Variants in CPNE4 observed in about 807,000 individuals in gnomAD.
CPNE4 encodes the protein copine 4.
In CPNE4, 25 loss-of-function variants were observed where a neutral mutation model predicts 67.9. The ratio of observed to expected loss-of-function variants is 0.37; its 90% CI spans 0.27 to 0.51. The LOEUF (loss-of-function observed/expected upper bound fraction) is 0.51. Among genes scored for constraint, CPNE4 ranks in the 20% least tolerant of loss-of-function variants. The pLI is 0.93. For synonymous variants in CPNE4, 242 were observed against 244.9 expected (o/e 0.99, Z 0.11); for missense variants, 464 against 690.8 (o/e 0.67, Z 3.68).
chr3:131,839,857 A>T (rs552104695), intron 2 of CPNE4, among the ~76,000 whole-genome samples: 2 of 152,248 alleles, frequency 1.3e-5, no homozygotes, highest in East Asian at 3.9e-4. Context: ...CAATTCTATC[A>T]CCTGTTAAAG....
At chr3:131,975,141 T>C (rs905363673) in intron 1 of CPNE4, among the ~76,000 whole-genome samples, 5 of 151,884 alleles carry the variant, frequency 3.3e-5, no homozygotes, top group African/African-American at 1.2e-4. Context: ...CTCAGGGGAG[T>C]TGGCAAAACC....
At chr3:131,723,396 A>C in intron 3 of CPNE4, 50 bp downstream of exon 3, 2 of 1,520,142 alleles carry the variant, frequency 1.3e-6, no homozygotes, top group Non-Finnish European at 1.8e-6. Context: ...GGGGGCAGGA[A>C]GAAAGGCCCT....
intron 3 of CPNE4, among the ~76,000 whole-genome samples, chr3:131,717,886 CTTTCTT>C (rs757337538): frequency 9.3e-4 from 80 of 86,422 alleles, no homozygotes; most frequent in African/African-American, 3.1e-3. Flanking sequence ...TTCTTTCTTT[CTTTCTT>C]TCTTTCTTTC....
chr3:132,001,208 T>C (rs2073421862), intron 1 of CPNE4, among the ~76,000 whole-genome samples: 1 of 152,062 alleles, frequency 6.6e-6, no homozygotes, highest in African/African-American at 2.4e-5. Flanking sequence ...TGATTTCCTT[T>C]GCTGGCTAGA....
chr3:132,008,201 G>GA (rs1174051686), intron 1 of CPNE4, among the ~76,000 whole-genome samples: 2 of 151,846 alleles, frequency 1.3e-5, no homozygotes, highest in South Asian at 4.2e-4. Flanking sequence ...TATACAAAAT[G>GA]AAAAAAATAC....
chr3:131,837,263 C>T (rs2085594128), intron 2 of CPNE4, among the ~76,000 whole-genome samples: 2 of 152,088 alleles, frequency 1.3e-5, no homozygotes, highest in African/African-American at 4.8e-5. Context: ...AAAACCTGTA[C>T]ATAAATGTTC....
intron 2 of CPNE4, among the ~76,000 whole-genome samples, chr3:131,880,208 C>G (rs964482365): frequency 2.6e-4 from 40 of 151,570 alleles, no homozygotes; most frequent in African/African-American, 9.2e-4. Context: ...CTCCGCCTCC[C>G]GGGTTCACGC....
chr3:131,642,216 C>A (rs1315783688), intron 7 of CPNE4, among the ~76,000 whole-genome samples: 1 of 152,004 alleles, frequency 6.6e-6, no homozygotes, highest in East Asian at 1.9e-4. Flanking sequence ...CAAATATCTC[C>A]AGAGACCAGG....
chr3:131,999,241 T>TAAAAAAAAAAAAAAAAAAA lies in CPNE4; in HGVS notation c.-2+35307_-2+35325dup, dbSNP rs79127364. ...CTCAATTATAGGTATTTATCCAAGG[T>TAAAAAAAAAAAAAAAAAAA]AAAAAAAAAAAAAAAAAAAAAAAGA... On this transcript the variant is annotated intron_variant, in intron 1 of 15. Coordinates refer to ENST00000429747, the MANE Select transcript of CPNE4 (RefSeq NM_130808.3). 7.4e-4 allele frequency among the ~76,000 whole-genome samples: 73 copies of TAAAAAAAAAAAAAAAAAAA among 98,814 alleles called. 5 individuals are homozygous for TAAAAAAAAAAAAAAAAAAA. Among genetic ancestry groups the TAAAAAAAAAAAAAAAAAAA allele is most frequent in the Middle Eastern group, 6.0e-3 (1 of 168 alleles). The allele number at this position is 98,814 out of a possible 152,430, so 64.8% of individuals were successfully genotyped here. A position where few individuals can be genotyped will look rare whatever the true frequency, so the allele number is the denominator to read the frequency against.
chr3:131,894,155 T>C (rs2088227632), intron 2 of CPNE4, among the ~76,000 whole-genome samples: 1 of 151,724 alleles, frequency 6.6e-6, no homozygotes, highest in African/African-American at 2.4e-5. Flanking sequence ...CCTACCTAGA[T>C]TAAATTATGA....
At chr3:131,673,445 AT>A (rs2080477048) in intron 6 of CPNE4, among the ~76,000 whole-genome samples, 2 of 152,118 alleles carry the variant, frequency 1.3e-5, no homozygotes, top group Admixed American at 1.3e-4. Context: ...TTTTAATAAT[AT>A]TAATTTTTCT....
intron 2 of CPNE4, among the ~76,000 whole-genome samples, chr3:131,847,615 T>G (rs1037277133): frequency 6.6e-6 from 1 of 152,190 alleles, no homozygotes; most frequent in Non-Finnish European, 1.5e-5. Context: ...ACAGGGGATA[T>G]ACCAATAAAA....
chr3:131,548,306 A>G (rs1170802551), intron 14 of CPNE4, among the ~76,000 whole-genome samples: 1 of 152,156 alleles, frequency 6.6e-6, no homozygotes, highest in Non-Finnish European at 1.5e-5. Context: ...TTTATTAAGC[A>G]TGTACTGTGT....
At chr3:131,611,601 G>A (rs143139426) in intron 7 of CPNE4, among the ~76,000 whole-genome samples, 6 of 151,188 alleles carry the variant, frequency 4.0e-5, no homozygotes, top group Admixed American at 1.3e-4. Context: ...ATCCTTAACC[G>A]ATGTCCTTTG....
At chr3:131,941,055 T>C (rs2071370737) in intron 1 of CPNE4, among the ~76,000 whole-genome samples, 2 of 152,072 alleles carry the variant, frequency 1.3e-5, no homozygotes, top group Non-Finnish European at 2.9e-5. Flanking sequence ...CAAGACACTA[T>C]TAGGCATTTT....
At chr3:131,773,540 C>A (rs1474013459) in intron 2 of CPNE4, among the ~76,000 whole-genome samples, 1 of 151,860 alleles carries the variant, frequency 6.6e-6, no homozygotes, top group Non-Finnish European at 1.5e-5. Context: ...TACAGACAGG[C>A]TTTTGCCATG....
intron 2 of CPNE4, among the ~76,000 whole-genome samples, chr3:131,750,346 G>C (rs1374317988): frequency 1.3e-5 from 2 of 151,982 alleles, no homozygotes; most frequent in African/African-American, 4.8e-5. Context: ...AGAATTTAAG[G>C]CTACCATTTT....
intron 3 of CPNE4, among the ~76,000 whole-genome samples, chr3:131,704,935 G>A (rs1452347841): frequency 6.6e-6 from 1 of 152,086 alleles, no homozygotes; most frequent in Non-Finnish European, 1.5e-5. Context: ...AAGGTCAAAT[G>A]AGGTCATAAG....
At chr3:131,704,615 C>G (rs2081376089) in intron 3 of CPNE4, among the ~76,000 whole-genome samples, 1 of 152,162 alleles carries the variant, frequency 6.6e-6, no homozygotes, top group Non-Finnish European at 1.5e-5. Flanking sequence ...TTGACTGTGT[C>G]TGGAAGAACA....
Sources: gnomAD v4.1 joint callset for allele counts (sites outside exome capture counted in the v4.1 genomes callset) on GRCh38, gnomAD v4.1.1 for gene constraint, MANE v1.5 for transcripts, NCBI Gene and HGNC (gene_info 2026-07-23, HGNC 2026-07-21) for gene names.